Variants in SNX18 observed in about 807,000 individuals in gnomAD.
The protein encoded by SNX18 is sorting nexin 18.
SNX18 carries 35 observed loss-of-function variants against 48.7 expected under a neutral mutation model. That is an observed-to-expected ratio of 0.72 (90% CI 0.55 to 0.95). SNX18 has a LOEUF of 0.95. SNX18 is among the 40% of genes least tolerant of loss of function. The pLI is 0.00. For synonymous variants in SNX18, 492 were observed against 384.7 expected (o/e 1.28, Z -3.26); for missense variants, 824 against 871.0 (o/e 0.95, Z 0.68).
the SNX18 span, among the ~76,000 whole-genome samples, chr5:54,604,011 C>T: frequency 6.6e-6 from 1 of 152,148 alleles, no homozygotes; most frequent in Non-Finnish European, 1.5e-5. Context: ...CTAACGAAAA[C>T]TTTTTGAGTG....
Position 54,544,505 on chromosome 5 carries a change from T to A in SNX18, c.*1073T>A, listed in dbSNP as rs1762536820. The A allele has an allele frequency of 6.6e-6, 1 of 152,036 alleles. No individual in the cohort carries two copies. Among genetic ancestry groups the A allele is most frequent in the African/African-American group, 2.4e-5 (1 of 41,396 alleles). 9.4% of individuals were successfully genotyped at this position (152,036 alleles called of 1,614,324 possible). On this transcript the variant is annotated 3_prime_UTR_variant, in exon 2 of 2. Transcript: ENST00000381410. ...TCAGGGATGTCTGTAAATTTCAGTG[T>A]TAATATGTCATGAAAAGTGGTGTGG...
Position 54,543,193 on chromosome 5 carries a change from G to A in SNX18, c.1636G>A (p.Val546Ile), listed in dbSNP as rs772529160. 1 of 1,613,898 alleles carries A rather than the reference G, an allele frequency of 6.2e-7. No homozygotes were observed. Among genetic ancestry groups the A allele is most frequent in the East Asian group, 2.2e-5 (1 of 44,870 alleles). The change falls in exon 2 of 2, where the codon GTC (valine) becomes ATC (isoleucine). Residue 546 changes from valine to isoleucine, a missense_variant. Physicochemically the swap from Val to Ile is conservative, Grantham distance 29. Transcript: ENST00000381410. ...IHVQKGALTK[V>I]KESRRHVEEG... ...TTTAACTACAGGAGCTCTTACCAAA[G>A]TCAAGGAGAGTAGGCGACACGTGGA...
At chr5:54,530,883 C>G (rs907124993) in intron 1 of SNX18, among the ~76,000 whole-genome samples, 1 of 150,930 alleles carries the variant, frequency 6.6e-6, no homozygotes, top group Non-Finnish European at 1.5e-5. Context: ...TCCTGAGTAG[C>G]TGGGATTATA....
In SNX18 at chr5:54,545,309, A is replaced by G. The variant is rs180749053; in HGVS notation, c.*1877A>G. ...TTGCGGAAGTCTGGAAATTATAACT[A>G]TAGCATTTAAGTTTGAGTCTGTATT... On this transcript the variant is annotated 3_prime_UTR_variant, in exon 2 of 2. Coordinates refer to ENST00000381410, the MANE Select transcript of SNX18 (RefSeq NM_001102575.2). 3.9e-5 allele frequency: 6 copies of G among 152,316 alleles called. No homozygotes were observed. Among genetic ancestry groups the G allele is most frequent in the East Asian group, 3.9e-4 (2 of 5,188 alleles). The allele number at this position is 152,316 out of a possible 1,614,324, so 9.4% of individuals were successfully genotyped here.
chr5:54,533,028 G>A (rs28670637), intron 1 of SNX18, among the ~76,000 whole-genome samples: 212 of 152,218 alleles, frequency 1.4e-3, no homozygotes, highest in African/African-American at 4.9e-3. Flanking sequence ...ACCTGAAACA[G>A]ACTAATGATA....
chr5:54,626,920 G>T, the SNX18 span, among the ~76,000 whole-genome samples: 1 of 152,206 alleles, frequency 6.6e-6, no homozygotes, highest in Admixed American at 6.5e-5. Context: ...GCTTGGAGGA[G>T]AATCTGTTGT....
the SNX18 span, among the ~76,000 whole-genome samples, chr5:54,563,537 G>C: frequency 2.6e-5 from 4 of 152,202 alleles, no homozygotes; most frequent in Non-Finnish European, 4.4e-5. Flanking sequence ...GTCATAGTTT[G>C]TGTAAGTGCA....
At position 54,519,476 on chromosome 5, in the gene SNX18, G is replaced by A. The variant is rs1432852106; in HGVS notation, c.1524G>A (p.Ala508=). 54 of 1,614,070 alleles carry A rather than the reference G, an allele frequency of 3.3e-5. No individual in the cohort carries two copies. Among genetic ancestry groups the A allele is most frequent in the Non-Finnish European group, 4.5e-5 (53 of 1,180,042 alleles). Residue 508 remains alanine (A), a synonymous_variant, in exon 1 of 2, where the codon GCG becomes GCA. Coordinates refer to ENST00000381410, the MANE Select transcript of SNX18 (RefSeq NM_001102575.2). ...DAYDAIGELF[A]EQPRQDLDPV... ...ATGACGCCATTGGCGAGCTCTTCGC[G>A]GAGCAGCCCAGGCAGGACCTGGATC...
the SNX18 span, among the ~76,000 whole-genome samples, chr5:54,612,601 G>T: frequency 2.4e-4 from 36 of 152,200 alleles, no homozygotes; most frequent in East Asian, 7.0e-3. Flanking sequence ...ATCGGCATAC[G>T]CACTGGGGCT....
In SNX18 at chr5:54,544,046, T is replaced by TGGGGGGGGGGGGGGGGGGG. The variant is rs3833647; in HGVS notation, c.*618_*619insGGGGGGGGGGGGGGGGGGG. ...TGGCAGTAGGGGGTGGGGGGGGCGGTGGGGTGGGACGATCAGCTGTCATCA... is the reference window on the plus strand; with the variant it reads ...TGGCAGTAGGGGGTGGGGGGGGCGGTGGGGGGGGGGGGGGGGGGGGGGGTGGGACGATCAGCTGTCATCA... On this transcript the variant is annotated 3_prime_UTR_variant, in exon 2 of 2. Coordinates refer to ENST00000381410, the MANE Select transcript of SNX18 (RefSeq NM_001102575.2). 1 of 52,840 alleles carries TGGGGGGGGGGGGGGGGGGG rather than the reference T, an allele frequency of 1.9e-5. No individual in the cohort carries two copies. Among genetic ancestry groups the TGGGGGGGGGGGGGGGGGGG allele is most frequent in the Non-Finnish European group, 3.4e-5 (1 of 29,082 alleles). 3.3% of individuals were successfully genotyped at this position (52,840 alleles called of 1,614,324 possible). A position where few individuals can be genotyped will look rare whatever the true frequency, so the allele number is the denominator to read the frequency against.
the SNX18 span, among the ~76,000 whole-genome samples, chr5:54,576,053 CTA>C: frequency 2.0e-5 from 3 of 152,144 alleles, no homozygotes. Flanking sequence ...TCCTATTAAT[CTA>C]TCTTATGTCA....
Position 54,517,894 on chromosome 5 carries a change from C to G in SNX18, c.-59C>G. On this transcript the variant is annotated 5_prime_UTR_variant, in exon 1 of 2. Coordinates refer to ENST00000381410, the MANE Select transcript of SNX18 (RefSeq NM_001102575.2). ...GGCTCGAGCAGTACCGCGGGCCCCT[C>G]AGGTGGGCCTCGGCTCGGGACGCCG... 5 of 1,441,992 alleles carry G rather than the reference C, an allele frequency of 3.5e-6. No homozygotes were observed. Among genetic ancestry groups the G allele is most frequent in the Non-Finnish European group, 3.6e-6 (4 of 1,105,600 alleles). The allele number at this position is 1,441,992 out of a possible 1,614,324, so 89.3% of individuals were successfully genotyped here.
the SNX18 span, among the ~76,000 whole-genome samples, chr5:54,563,102 A>G: frequency 1.5e-3 from 225 of 152,354 alleles, 2 homozygotes; most frequent in African/African-American, 5.3e-3. Flanking sequence ...TTATTACAAG[A>G]TTCAAAAAGC....
chr5:54,543,527 G>A lies in SNX18; in HGVS notation c.*95G>A. On this transcript the variant is annotated 3_prime_UTR_variant, in exon 2 of 2. Coordinates refer to ENST00000381410, the MANE Select transcript of SNX18 (RefSeq NM_001102575.2). ...CAAAGAGCTATTGCCAGCTATCAGT[G>A]GTGGTACAAGGACGGTTTTGTGTTC... 2 of 1,449,862 alleles carry A rather than the reference G, an allele frequency of 1.4e-6. No homozygotes were observed. The highest frequency in any genetic ancestry group is 1.3e-5 in the South Asian group (1 of 74,464). The allele number at this position is 1,449,862 out of a possible 1,614,324, so 89.8% of individuals were successfully genotyped here.
the SNX18 span, among the ~76,000 whole-genome samples, chr5:54,618,665 AG>A: frequency 6.6e-6 from 1 of 152,220 alleles, no homozygotes; most frequent in Non-Finnish European, 1.5e-5. Context: ...GAAACTGGTG[AG>A]AGAAGGGGTT....
chr5:54,528,461 T>TA (rs1489672516), intron 1 of SNX18, among the ~76,000 whole-genome samples: 1 of 152,206 alleles, frequency 6.6e-6, no homozygotes, highest in Non-Finnish European at 1.5e-5. Context: ...CAGTTTGTGT[T>TA]AGAGGCTTGA....
the SNX18 span, among the ~76,000 whole-genome samples, chr5:54,579,258 G>T: frequency 6.6e-6 from 1 of 151,868 alleles, no homozygotes; most frequent in Non-Finnish European, 1.5e-5. Flanking sequence ...CAGGAGGATT[G>T]CTTGAGCCTA....
chr5:54,519,243 T>C lies in SNX18; in HGVS notation c.1291T>C (p.Phe431Leu), dbSNP rs777568307. The change falls in exon 1 of 2, where the codon TTC becomes CTC. Residue 431 changes from phenylalanine to leucine, a missense_variant. Coordinates refer to ENST00000381410, the MANE Select transcript of SNX18 (RefSeq NM_001102575.2). ...LQEVESKIDG[F>L]KCFTKKMDDS... is the part of the protein sequence containing the mutation. ...GGAGGTGGAGAGCAAGATCGACGGC[T>C]TCAAGTGCTTCACCAAGAAGATGGA... The C allele has an allele frequency of 6.2e-7, 1 of 1,614,042 alleles. No individual in the cohort carries two copies. Among genetic ancestry groups the C allele is most frequent in the Non-Finnish European group, 8.5e-7 (1 of 1,179,984 alleles).
intron 1 of SNX18, among the ~76,000 whole-genome samples, chr5:54,526,005 G>T (rs1456355504): frequency 6.6e-6 from 1 of 152,202 alleles, no homozygotes; most frequent in African/African-American, 2.4e-5. Context: ...CTGGCCTGCT[G>T]CTGCCTGGTG....
Sources: gnomAD v4.1 joint callset for allele counts (sites outside exome capture counted in the v4.1 genomes callset) on GRCh38, gnomAD v4.1.1 for gene constraint, MANE v1.5 for transcripts, NCBI Gene and HGNC (gene_info 2026-07-23, HGNC 2026-07-21) for gene names.